Variants in ZNF566 observed in about 807,000 individuals in gnomAD.
ZNF566 encodes the protein zinc finger protein 566.
Under a neutral mutation model 32.8 loss-of-function variants are expected in ZNF566, and 27 were observed. The ratio of observed to expected loss-of-function variants is 0.82; its 90% CI spans 0.61 to 1.14. ZNF566 has a LOEUF of 1.14. Among genes scored for constraint, ZNF566 ranks in the 50% most tolerant of loss-of-function variants. The pLI is 0.00. For missense variants in ZNF566, 402 were observed against 490.4 expected (o/e 0.82, Z 1.70); for synonymous variants, 154 against 159.5 (o/e 0.97, Z 0.26).
At chr19:36,481,954 G>A (rs573486557) in intron 1 of ZNF566, among the ~76,000 whole-genome samples, 1 of 152,252 alleles carries the variant, frequency 6.6e-6, no homozygotes, top group South Asian at 2.1e-4. Flanking sequence ...AAGAAACAAT[G>A]TACAAAAGAG....
At chr19:36,458,746 A>G (rs1263471539) in intron 4 of ZNF566, among the ~76,000 whole-genome samples, 1 of 152,220 alleles carries the variant, frequency 6.6e-6, no homozygotes, top group Admixed American at 6.5e-5. Context: ...CACATATACA[A>G]ATTGGTAACT....
At chr19:36,463,771 G>A (rs1158439571) in intron 4 of ZNF566, among the ~76,000 whole-genome samples, 3 of 151,296 alleles carry the variant, frequency 2.0e-5, no homozygotes, top group Non-Finnish European at 4.4e-5. Flanking sequence ...CATCACCCAG[G>A]CTGGAGTGCA....
chr19:36,463,897 T>A (rs1229090757), intron 4 of ZNF566, among the ~76,000 whole-genome samples: 1 of 152,000 alleles, frequency 6.6e-6, no homozygotes, highest in African/African-American at 2.4e-5. Flanking sequence ...GGCTAGTTTT[T>A]GTATTTTTAG....
chr19:36,477,522 T>C (rs2033918530), intron 1 of ZNF566, among the ~76,000 whole-genome samples: 1 of 115,350 alleles, frequency 8.7e-6, no homozygotes, highest in Non-Finnish European at 1.9e-5. Context: ...AGTTTTCTGT[T>C]TCTGTTTTTT....
At chr19:36,456,093 C>T (rs537014470) in intron 4 of ZNF566, among the ~76,000 whole-genome samples, 5 of 151,708 alleles carry the variant, frequency 3.3e-5, no homozygotes, top group East Asian at 1.9e-4. Flanking sequence ...ATACAAAAAT[C>T]GGTTGTTTCT....
chr19:36,482,199 A>G (rs377671443), intron 1 of ZNF566, among the ~76,000 whole-genome samples: 54 of 152,218 alleles, frequency 3.5e-4, no homozygotes, highest in African/African-American at 1.2e-3. Context: ...TCCGCCTCCC[A>G]GGTTCACGCC....
rs182809228 is a variant in ZNF566 at position 36,451,498 on chromosome 19, G to A, written c.233-1497C>T. The stretch of plus-strand genomic sequence containing the variant: ...AGACATTTGTAGGTTCAAGAGAAGG[G>A]GAGAGAGTAAAATGGAAGGCAGTGT... On this transcript the variant is annotated intron_variant, in intron 4 of 4. Coordinates refer to ENST00000452939, the MANE Select transcript of ZNF566 (RefSeq NM_001145344.1). Among the ~76,000 whole-genome samples, 116 of 152,222 alleles carry A rather than the reference G, an allele frequency of 7.6e-4. 1 individual carries two copies. The highest frequency in any genetic ancestry group is 1.0e-4 in the Non-Finnish European group (7 of 68,016).
At chr19:36,480,023 G>C (rs2945982) in intron 1 of ZNF566, among the ~76,000 whole-genome samples, 83,465 of 151,818 alleles carry the variant, frequency 0.55, 23,356 homozygotes, top group African/African-American at 0.62. Flanking sequence ...TATTTGTAAA[G>C]AAAACCCCAG....
At chr19:36,480,941 G>A (rs1315776950) in intron 1 of ZNF566, among the ~76,000 whole-genome samples, 3 of 152,114 alleles carry the variant, frequency 2.0e-5, no homozygotes, top group East Asian at 3.9e-4. Context: ...TACTCAGGAG[G>A]CTGAGGCAGG....
intron 4 of ZNF566, among the ~76,000 whole-genome samples, chr19:36,472,376 G>C (rs2033786757): frequency 6.6e-6 from 1 of 152,114 alleles, no homozygotes; most frequent in African/African-American, 2.4e-5. Context: ...ACATGTTCTA[G>C]TACTTCTACT....
At chr19:36,471,631 T>G (rs1391279865) in intron 4 of ZNF566, among the ~76,000 whole-genome samples, 3 of 152,212 alleles carry the variant, frequency 2.0e-5, no homozygotes, top group Non-Finnish European at 4.4e-5. Context: ...ATCCCCTTCC[T>G]CTACTTCTTA....
rs1432757793 is a variant in ZNF566, at chr19:36,449,505, A to G, written c.729T>C (p.Thr243=). 5 of 1,614,046 alleles carry G rather than the reference A, an allele frequency of 3.1e-6. No homozygotes were observed. Among genetic ancestry groups the G allele is most frequent in the Non-Finnish European group, 4.2e-6 (5 of 1,180,036 alleles). Residue 243 remains threonine, a synonymous_variant, in exon 5 of 5, where the codon ACT becomes ACC. Coordinates refer to ENST00000452939, the MANE Select transcript of ZNF566 (RefSeq NM_001145344.1). ...CACCAGTGTGAATTCTGTGATGTCG[A>G]GTAAGGTCTGAGCCACAAATAAAGG... ...GKTFICGSDL[T]RHHRIHTGEK...
chr19:36,449,597 T>C lies in ZNF566; in HGVS notation c.637A>G (p.Arg213Gly), dbSNP rs528596422. The C allele has an allele frequency of 1.4e-5, 22 of 1,614,096 alleles. No individual in the cohort carries two copies. In the East Asian group the frequency reaches 2.2e-4, roughly 16 times the overall value. Reference sequence around the variant, plus strand: ...TGAATTTTCTGATGATGAGTGAGTCTTGAGGGATGTCTAAAGGACTTTCCA... The same window carrying C: ...TGAATTTTCTGATGATGAGTGAGTCCTGAGGGATGTCTAAAGGACTTTCCA... ...ECGKSFRHPS[R>G]LTHHQKIHTG... Residue 213 changes from arginine to glycine, a missense_variant, in exon 5 of 5, where the codon AGA (arginine) becomes GGA (glycine). By Grantham distance (125) the Arg-to-Gly change is moderately radical (BLOSUM62 -2). This residue lies in a region of ZNF566 where 135 missense variants were observed against 210.0 expected (regional missense o/e 0.64). Coordinates refer to ENST00000452939, the MANE Select transcript of ZNF566 (RefSeq NM_001145344.1).
At chr19:36,480,792 G>GGCCAAGGCCC (rs1382025044) in intron 1 of ZNF566, among the ~76,000 whole-genome samples, 2 of 151,760 alleles carry the variant, frequency 1.3e-5, no homozygotes, top group African/African-American at 4.8e-5. Flanking sequence ...CACTTTGGGA[G>GGCCAAGGCCC]GCCAAGGCCC....
Position 36,476,633 on chromosome 19 carries a change from A to G in ZNF566, c.-59-17T>C. ...AGGGTAGAGCTGGGAGAGGCAAAAG[A>G]AGATAGATAAGACCCCACTTTCCTC... On this transcript the variant is annotated splice_polypyrimidine_tract_variant and intron_variant, in intron 1 of 4. Coordinates refer to ENST00000452939, the MANE Select transcript of ZNF566 (RefSeq NM_001145344.1). 1 of 1,599,558 alleles carries G rather than the reference A, an allele frequency of 6.3e-7. No homozygotes were observed. Among genetic ancestry groups the G allele is most frequent in the Non-Finnish European group, 8.5e-7 (1 of 1,173,116 alleles).
chr19:36,467,061 T>G (rs1405893017), intron 4 of ZNF566, among the ~76,000 whole-genome samples: 1 of 139,814 alleles, frequency 7.2e-6, no homozygotes, highest in Admixed American at 7.3e-5. Context: ...AGAGCGAGAC[T>G]CCGTCAAAAA....
Position 36,473,372 on chromosome 19 carries a change from T to A in ZNF566, c.96A>T (p.Arg32Ser). The change falls in exon 3 of 5, where the codon AGA (arginine) becomes AGT (serine). Residue 32 changes from arginine to serine, a missense_variant. By Grantham distance (110) the Arg-to-Ser change is moderately radical. Around this residue, in one of 3 missense-constraint regions of ZNF566, gnomAD observed 220 missense variants for 241.9 expected, o/e 0.91. Coordinates refer to ENST00000452939, the MANE Select transcript of ZNF566 (RefSeq NM_001145344.1). ...TGCTGTAATTCTCCAACATCACATCTCTGTATAAATCTCTCTGATCATCAT... is the reference window on the plus strand; with the variant it reads ...TGCTGTAATTCTCCAACATCACATCACTGTATAAATCTCTCTGATCATCAT... Reference protein sequence around the residue: ...CLNDDQRDLYRDVMLENYSNL... With the variant: ...CLNDDQRDLYSDVMLENYSNL... 1 of 1,613,958 alleles carries A rather than the reference T, an allele frequency of 6.2e-7. No homozygotes were observed. Among genetic ancestry groups the A allele is most frequent in the Non-Finnish European group, 8.5e-7 (1 of 1,179,902 alleles).
rs560803094 is a variant in ZNF566, at chr19:36,467,790, CAAAAAAAAA to C, written c.232+5112_232+5120del. On this transcript the variant is annotated intron_variant, in intron 4 of 4. Transcript: ENST00000452939. ...TGGGTGACAGAGCGAGACTCCATCT[CAAAAAAAAA>C]AAAAAAAAAAAAAAAAAAAAAAAAA... 1.9e-4 allele frequency among the ~76,000 whole-genome samples: 16 copies of C among 85,916 alleles called. No homozygotes were observed. In the East Asian group the frequency reaches 3.0e-3, roughly 16 times the overall value. 56.4% of individuals were successfully genotyped at this position (85,916 alleles called of 152,430 possible).
At chr19:36,451,652 A>T (rs2033160173) in intron 4 of ZNF566, among the ~76,000 whole-genome samples, 1 of 152,160 alleles carries the variant, frequency 6.6e-6, no homozygotes, top group South Asian at 2.1e-4. Flanking sequence ...TCTGTCTAAT[A>T]CAATAGGAAT....
Sources: gnomAD v4.1 joint callset for allele counts (sites outside exome capture counted in the v4.1 genomes callset) on GRCh38, gnomAD v4.1.1 for gene constraint, gnomAD v4.1.1 regional missense constraint, MANE v1.5 for transcripts, NCBI Gene and HGNC (gene_info 2026-07-23, HGNC 2026-07-21) for gene names.